The following ZZZ3 variants were observed in gnomAD, a reference collection of about 807,000 sequenced individuals.
ZZZ3 encodes ZZ-type zinc finger-containing protein 3.
Under a neutral mutation model 95.2 loss-of-function variants are expected in ZZZ3, and 22 were observed. That is an observed-to-expected ratio of 0.23 (90% CI 0.17 to 0.33). The LOEUF (loss-of-function observed/expected upper bound fraction) is 0.33, where lower values mean the gene tolerates loss of function less well. Among genes scored for constraint, ZZZ3 ranks in the 10% least tolerant of loss-of-function variants. The pLI is 1.00. For missense variants in ZZZ3, 885 were observed against 1,066.5 expected (o/e 0.83, Z 2.37); for synonymous variants, 335 against 358.9 (o/e 0.93, Z 0.75).
intron 5 of ZZZ3, among the ~76,000 whole-genome samples, chr1:77,611,971 G>A (rs1461203738): frequency 6.6e-6 from 1 of 151,902 alleles, no homozygotes; most frequent in Non-Finnish European, 1.5e-5. Flanking sequence ...AAAAATAAAT[G>A]AGACTAGCTC....
chr1:77,652,221 T>G (rs1669875676), intron 1 of ZZZ3, among the ~76,000 whole-genome samples: 1 of 152,086 alleles, frequency 6.6e-6, no homozygotes, highest in South Asian at 2.1e-4. Context: ...TTTGTAATTA[T>G]CTCTCTATCT....
At chr1:77,653,261 T>C (rs1203291400) in intron 1 of ZZZ3, among the ~76,000 whole-genome samples, 1 of 152,120 alleles carries the variant, frequency 6.6e-6, no homozygotes, top group Non-Finnish European at 1.5e-5. Flanking sequence ...AGATAAGTGA[T>C]TGCAGAGACT....
At position 77,563,424 on chromosome 1, in the gene ZZZ3, T is replaced by C. The variant is rs1318919265; in HGVS notation, c.*2216A>G. The stretch of plus-strand genomic sequence containing the variant: ...TTTAAAGCCATGGGGGCTGTTTCCT[T>C]GGAGCTGAAAAATGCAAAACAAACA... On this transcript the variant is annotated 3_prime_UTR_variant, in exon 15 of 15. Coordinates refer to ENST00000370801, the MANE Select transcript of ZZZ3 (RefSeq NM_015534.6). 6.6e-6 allele frequency: 1 copy of C among 152,166 alleles called. No homozygotes were observed. Among genetic ancestry groups the C allele is most frequent in the Non-Finnish European group, 1.5e-5 (1 of 68,024 alleles). The allele number at this position is 152,166 out of a possible 1,614,324, so 9.4% of individuals were successfully genotyped here. A position where few individuals can be genotyped will look rare whatever the true frequency, so the allele number is the denominator to read the frequency against.
intron 1 of ZZZ3, among the ~76,000 whole-genome samples, chr1:77,681,234 G>T (rs1672723872): frequency 1.3e-5 from 2 of 152,018 alleles, no homozygotes; most frequent in South Asian, 4.1e-4. Context: ...TAAGACTGAG[G>T]AATGGAACTT....
chr1:77,680,406 G>A (rs1469415423), intron 1 of ZZZ3, among the ~76,000 whole-genome samples: 1 of 152,064 alleles, frequency 6.6e-6, no homozygotes, highest in Non-Finnish European at 1.5e-5. Context: ...TTCCATTTCA[G>A]TATCAACCTC....
chr1:77,675,607 T>G (rs756986548), intron 1 of ZZZ3, among the ~76,000 whole-genome samples: 3 of 152,164 alleles, frequency 2.0e-5, no homozygotes, highest in Non-Finnish European at 4.4e-5. Context: ...CACTTTTTTT[T>G]TTTTCAAATA....
At chr1:77,653,639 G>A (rs1670007138) in intron 1 of ZZZ3, among the ~76,000 whole-genome samples, 1 of 152,090 alleles carries the variant, frequency 6.6e-6, no homozygotes, top group African/African-American at 2.4e-5. Flanking sequence ...TGTAATCCCA[G>A]CTACTCGGGA....
chr1:77,599,772 A>G (rs1421715072), intron 5 of ZZZ3, among the ~76,000 whole-genome samples: 2 of 152,118 alleles, frequency 1.3e-5, no homozygotes, highest in African/African-American at 4.8e-5. Flanking sequence ...GATTTTTAAA[A>G]AAATTAAATG....
chr1:77,667,763 C>CA (rs1190555774), intron 1 of ZZZ3, among the ~76,000 whole-genome samples: 1 of 115,110 alleles, frequency 8.7e-6, no homozygotes, highest in Non-Finnish European at 1.8e-5. Flanking sequence ...AATGGGTATT[C>CA]TTTTTTTTTT....
chr1:77,605,510 A>G (rs1035036757), intron 5 of ZZZ3, among the ~76,000 whole-genome samples: 1 of 152,338 alleles, frequency 6.6e-6, no homozygotes, highest in South Asian at 2.1e-4. Context: ...CTGAGACTCC[A>G]GCCAGAGCAA....
intron 1 of ZZZ3, among the ~76,000 whole-genome samples, chr1:77,645,064 A>T (rs1246573186): frequency 1.3e-5 from 2 of 151,278 alleles, no homozygotes; most frequent in Admixed American, 1.3e-4. Context: ...TCTCTACAGA[A>T]AAAAAAAATG....
intron 1 of ZZZ3, among the ~76,000 whole-genome samples, chr1:77,654,065 G>A (rs575353529): frequency 5.9e-5 from 9 of 151,750 alleles, no homozygotes; most frequent in Non-Finnish European, 1.0e-4. Flanking sequence ...GCAGGCGCCT[G>A]TAGTCCCAGC....
chr1:77,654,686 G>C (rs1057385248), intron 1 of ZZZ3, among the ~76,000 whole-genome samples: 1 of 152,076 alleles, frequency 6.6e-6, no homozygotes, highest in Admixed American at 6.5e-5. Context: ...CTTACATATT[G>C]CCTTATGTTT....
At chr1:77,641,356 C>T in intron 3 of ZZZ3, 28 bp downstream of exon 3, 2 of 388,858 alleles carry the variant, frequency 5.1e-6, no homozygotes, top group East Asian at 7.3e-5. Context: ...ACATCTGCAA[C>T]TGTTATTTTC....
rs548955908 is a variant in ZZZ3, at chr1:77,567,067, T to C, written c.2467-886A>G. 3.9e-5 allele frequency among the ~76,000 whole-genome samples: 6 copies of C among 152,354 alleles called. No homozygotes were observed. The East Asian group carries it at 1.2e-3, about 29-fold the overall frequency. ...AAATCATTTAATATAGTATGGTTAC[T>C]GGCTACTCTAGAGGATCAAAGGTAT... is the stretch of plus-strand genomic sequence containing the variant. On this transcript the variant is annotated intron_variant, in intron 13 of 14. Transcript: ENST00000370801.
At chr1:77,657,700 G>A (rs1377784357) in intron 1 of ZZZ3, among the ~76,000 whole-genome samples, 3 of 152,146 alleles carry the variant, frequency 2.0e-5, no homozygotes, top group Admixed American at 6.5e-5. Context: ...CTCAGTATAC[G>A]TGGGGGGGAT....
intron 5 of ZZZ3, among the ~76,000 whole-genome samples, chr1:77,619,788 A>G (rs1666670511): frequency 6.6e-6 from 1 of 152,184 alleles, no homozygotes; most frequent in Non-Finnish European, 1.5e-5. Flanking sequence ...TAAATTAACC[A>G]TATGAATGAT....
At chr1:77,596,357 T>G (rs1164124259) in intron 5 of ZZZ3, among the ~76,000 whole-genome samples, 1 of 152,078 alleles carries the variant, frequency 6.6e-6, no homozygotes, top group Non-Finnish European at 1.5e-5. Context: ...AGAAGTTCAA[T>G]GGGGTTGGAG....
intron 5 of ZZZ3, among the ~76,000 whole-genome samples, chr1:77,604,144 C>G (rs2100691397): frequency 6.6e-6 from 1 of 152,298 alleles, no homozygotes; most frequent in African/African-American, 2.4e-5. Context: ...AGCCACTGCA[C>G]TCTAGCCTAG....
Sources: gnomAD v4.1 joint callset for allele counts (sites outside exome capture counted in the v4.1 genomes callset) on GRCh38, gnomAD v4.1.1 for gene constraint, MANE v1.5 for transcripts, NCBI Gene and HGNC (gene_info 2026-07-23, HGNC 2026-07-21) for gene names.